Variants in AHI1 observed in about 807,000 individuals in gnomAD.
AHI1 encodes jouberin.
Under a neutral mutation model 149.3 loss-of-function variants are expected in AHI1, and 123 were observed. The observed-to-expected ratio is 0.82, with a 90% CI of 0.71 to 0.96. AHI1 has a LOEUF of 0.96. Among genes scored for constraint, AHI1 ranks in the 40% least tolerant of loss-of-function variants. AHI1 has a pLI of 0.00. For missense variants in AHI1, 1,439 were observed against 1,422.7 expected, an observed-to-expected ratio of 1.01 and a Z score of -0.18; for synonymous variants, 475 against 459.8, an observed-to-expected ratio of 1.03 and a Z score of -0.42.
chr6:135,346,576 T>C (rs966563836), intron 24 of AHI1, among the ~76,000 whole-genome samples: 1 of 152,098 alleles, frequency 6.6e-6, no homozygotes, highest in Non-Finnish European at 1.5e-5. Context: ...ATTTTTTTTC[T>C]AGTAAAAGAG....
At chr6:135,421,663 A>G (rs1485867706) in intron 20 of AHI1, among the ~76,000 whole-genome samples, 1 of 152,146 alleles carries the variant, frequency 6.6e-6, no homozygotes, top group Non-Finnish European at 1.5e-5. Flanking sequence ...CACTGTAAAC[A>G]TTAAAAAAAA....
chr6:135,298,992 T>A (rs946771140), intron 27 of AHI1, among the ~76,000 whole-genome samples: 1 of 152,182 alleles, frequency 6.6e-6, no homozygotes, highest in Non-Finnish European at 1.5e-5. Context: ...TCATTTTTTT[T>A]TGGTTGTTGA....
In AHI1 at chr6:135,299,476, G is replaced by A. The variant is rs536665202; in HGVS notation, c.3485+1024C>T. Reference sequence around the variant, plus strand: ...GCACCCAGCAATGTACGTGGGGGTGGTGGTGATGGGATGGGAGGGTATGAT... The same window carrying A: ...GCACCCAGCAATGTACGTGGGGGTGATGGTGATGGGATGGGAGGGTATGAT... On this transcript the variant is annotated intron_variant, in intron 27 of 28. Transcript: ENST00000265602. Among the ~76,000 whole-genome samples, 71 of 152,308 alleles carry A rather than the reference G, an allele frequency of 4.7e-4. 1 individual carries two copies. Among genetic ancestry groups the A allele is most frequent in the Admixed American group, 2.4e-3 (37 of 15,296 alleles).
intron 11 of AHI1, among the ~76,000 whole-genome samples, chr6:135,450,463 A>G (rs1787919383): frequency 6.6e-6 from 1 of 152,146 alleles, no homozygotes; most frequent in South Asian, 2.1e-4. Flanking sequence ...ATGTAAAGAC[A>G]ATGGAGGTTA....
chr6:135,292,776 G>A (rs1371070301), intron 27 of AHI1, among the ~76,000 whole-genome samples: 1 of 152,188 alleles, frequency 6.6e-6, no homozygotes, highest in Non-Finnish European at 1.5e-5. Flanking sequence ...TATGAGCAAT[G>A]TCTCATGAAA....
intron 27 of AHI1, among the ~76,000 whole-genome samples, chr6:135,298,980 G>T (rs1183071616): frequency 6.6e-6 from 1 of 151,932 alleles, no homozygotes; most frequent in South Asian, 2.1e-4. Context: ...TGTTAAACAT[G>T]GTCATTTTTT....
chr6:135,352,132 C>T (rs975510609), intron 24 of AHI1, among the ~76,000 whole-genome samples: 6 of 152,192 alleles, frequency 3.9e-5, no homozygotes, highest in African/African-American at 1.2e-4. Flanking sequence ...CAGTTACCTT[C>T]TTCCTAACGC....
chr6:135,447,245 A>T, intron 12 of AHI1, 85 bp from the exon 13 acceptor site: 1 of 862,590 alleles, frequency 1.2e-6, no homozygotes, highest in Non-Finnish European at 1.6e-6. Flanking sequence ...ATACTGAAAC[A>T]AATAATATGA....
rs190666474 is a variant in AHI1, at chr6:135,371,250, C to T, written c.3110-13063G>A. On this transcript the variant is annotated intron_variant, in intron 23 of 28. Coordinates refer to ENST00000265602, the MANE Select transcript of AHI1 (RefSeq NM_001134831.2). Reference sequence around the variant, plus strand: ...GTTTCATTGAATTGTCATTTGGTTACAGTACTCTCTAAATCCTTGTATATC... The same window carrying T: ...GTTTCATTGAATTGTCATTTGGTTATAGTACTCTCTAAATCCTTGTATATC... 2.5e-3 allele frequency among the ~76,000 whole-genome samples: 381 copies of T among 152,294 alleles called. 5 individuals carry two copies. The highest frequency in any genetic ancestry group is 8.4e-3 in the African/African-American group (349 of 41,562).
At chr6:135,319,968 ACTTC>A (rs1786558242) in intron 25 of AHI1, among the ~76,000 whole-genome samples, 1 of 152,116 alleles carries the variant, frequency 6.6e-6, no homozygotes, top group Non-Finnish European at 1.5e-5. Flanking sequence ...CTGCTTGTAT[ACTTC>A]CTTAGATTCT....
At chr6:135,363,745 G>A (rs534626050) in intron 23 of AHI1, among the ~76,000 whole-genome samples, 141 of 142,972 alleles carry the variant, frequency 9.9e-4, no homozygotes, top group African/African-American at 3.1e-3. Context: ...CTTCCCGGAC[G>A]GGGCAGCTGG....
chr6:135,386,585 C>T (rs1777622860), intron 23 of AHI1, among the ~76,000 whole-genome samples: 1 of 152,104 alleles, frequency 6.6e-6, no homozygotes, highest in African/African-American at 2.4e-5. Context: ...GCTGGGATTA[C>T]AGGTGTGAGC....
intron 23 of AHI1, among the ~76,000 whole-genome samples, chr6:135,371,004 C>T (rs1401249543): frequency 2.0e-5 from 3 of 151,398 alleles, no homozygotes; most frequent in African/African-American, 7.4e-5. Context: ...ACTATACATA[C>T]CAATATCTCC....
chr6:135,448,511 T>C (rs780533885), intron 11 of AHI1, 36 bp from the exon 12 acceptor site: 6 of 1,378,746 alleles, frequency 4.4e-6, no homozygotes, highest in East Asian at 2.4e-5. Flanking sequence ...GTTACCTTCA[T>C]TGAAAATAAA....
At chr6:135,490,227 T>C in intron 5 of AHI1, 2 of 724,048 alleles carry the variant, frequency 2.8e-6, no homozygotes, top group Non-Finnish European at 5.2e-6. Flanking sequence ...CTCCTGGTTC[T>C]GTTGGGTAGA....
intron 5 of AHI1, among the ~76,000 whole-genome samples, chr6:135,478,605 G>C (rs559104413): frequency 3.9e-5 from 6 of 152,348 alleles, no homozygotes; most frequent in African/African-American, 1.4e-4. Flanking sequence ...ATTTAAAAGG[G>C]AAGCAGAGCA....
Position 135,446,994 on chromosome 6 carries a change from A to G in AHI1, c.1779+14T>C. On this transcript the variant is annotated intron_variant, in intron 13 of 28. Coordinates refer to ENST00000265602, the MANE Select transcript of AHI1 (RefSeq NM_001134831.2). Reference sequence around the variant, plus strand: ...TAAACATCTAAATAAATCCACTATTATCAAACACTTCACCTGCCCAGGGAG... The same window carrying G: ...TAAACATCTAAATAAATCCACTATTGTCAAACACTTCACCTGCCCAGGGAG... The G allele has an allele frequency of 6.2e-7, 1 of 1,602,992 alleles. No individual in the cohort carries two copies. Among genetic ancestry groups the G allele is most frequent in the South Asian group, 1.1e-5 (1 of 88,296 alleles).
chr6:135,332,360 C>T (rs969693068), intron 24 of AHI1, among the ~76,000 whole-genome samples: 1 of 152,232 alleles, frequency 6.6e-6, no homozygotes, highest in African/African-American at 2.4e-5. Flanking sequence ...AGCCACCGCT[C>T]CTGGCCCAGG....
At chr6:135,413,738 T>TA (rs11297517) in intron 20 of AHI1, among the ~76,000 whole-genome samples, 74 of 150,502 alleles carry the variant, frequency 4.9e-4, no homozygotes, top group African/African-American at 1.7e-3. Context: ...AAATTGAAAT[T>TA]AAAAAAAAAA....
Sources: gnomAD v4.1 joint callset for allele counts (sites outside exome capture counted in the v4.1 genomes callset) on GRCh38, gnomAD v4.1.1 for gene constraint, MANE v1.5 for transcripts, NCBI Gene and HGNC (gene_info 2026-07-23, HGNC 2026-07-21) for gene names.